APP: variants seen among roughly 807,000 people sequenced by gnomAD.
The protein encoded by APP is amyloid-beta precursor protein.
Under a neutral mutation model 101.4 loss-of-function variants are expected in APP, and 31 were observed. The ratio of observed to expected loss-of-function variants is 0.31; its 90% confidence interval spans 0.23 to 0.41. The LOEUF (loss-of-function observed/expected upper bound fraction) is 0.41, where lower values mean the gene tolerates loss of function less well. APP is among the 10% of genes least tolerant of loss of function. The pLI is 1.00. For missense variants in APP, 839 were observed against 1,003.7 expected (o/e 0.84, Z 2.22); for synonymous variants, 366 against 364.4 (o/e 1.00, Z -0.05).
At chr21:25,926,772 C>T (rs903109070) in intron 13 of APP, among the ~76,000 whole-genome samples, 3 of 151,974 alleles carry the variant, frequency 2.0e-5, no homozygotes, top group African/African-American at 4.8e-5. Flanking sequence ...GTAATCCCAG[C>T]ACTTTGGAAT....
At chr21:25,925,093 C>G (rs1341480595) in intron 13 of APP, among the ~76,000 whole-genome samples, 1 of 152,206 alleles carries the variant, frequency 6.6e-6, no homozygotes, top group Non-Finnish European at 1.5e-5. Context: ...TCTTCTCTCT[C>G]CCCTGACACA....
intron 17 of APP, among the ~76,000 whole-genome samples, chr21:25,883,098 C>G (rs1301747841): frequency 6.6e-6 from 1 of 152,132 alleles, no homozygotes; most frequent in African/African-American, 2.4e-5. Flanking sequence ...GATAACAATT[C>G]AGACTAAAAG....
At chr21:25,907,839 ATATT>A (rs1215184016) in intron 14 of APP, among the ~76,000 whole-genome samples, 2 of 152,360 alleles carry the variant, frequency 1.3e-5, no homozygotes, top group South Asian at 2.1e-4. Flanking sequence ...GTTTAATGAA[ATATT>A]TATTTAATCT....
At chr21:25,901,240 G>T (rs151247744) in intron 15 of APP, among the ~76,000 whole-genome samples, 2,457 of 145,926 alleles carry the variant, frequency 0.017, 78 homozygotes, top group African/African-American at 0.059. Context: ...GGGGGTTGCA[G>T]TGAGCTGGTA....
intron 13 of APP, chr21:25,935,144 C>A (rs564552005): frequency 6.6e-6 from 1 of 152,300 alleles, no homozygotes; most frequent in South Asian, 2.1e-4. Flanking sequence ...TTTACTAACT[C>A]CAGAGTGACG....
At chr21:26,111,867 C>T in intron 2 of APP, 112 bp downstream of exon 2, 2 of 1,148,286 alleles carry the variant, frequency 1.7e-6, no homozygotes, top group East Asian at 4.7e-5. Flanking sequence ...CATTAGGAAC[C>T]AAGATTTTTA....
intron 1 of APP, among the ~76,000 whole-genome samples, chr21:26,136,130 C>CAA (rs566248174): frequency 1.1e-3 from 57 of 50,352 alleles, no homozygotes; most frequent in African/African-American, 8.4e-3. Context: ...GACTCTGTCT[C>CAA]AAAAAAGAAA....
chr21:25,976,995 C>T (rs762327326), intron 9 of APP, among the ~76,000 whole-genome samples: 6 of 152,192 alleles, frequency 3.9e-5, no homozygotes, highest in Non-Finnish European at 7.4e-5. Context: ...TGTTCTTGGA[C>T]TTCCCCACCT....
intron 5 of APP, among the ~76,000 whole-genome samples, chr21:26,022,367 A>T (rs950190956): frequency 6.6e-6 from 1 of 152,192 alleles, no homozygotes; most frequent in Non-Finnish European, 1.5e-5. Context: ...GAATAGGTGG[A>T]GTAGAGAGGA....
intron 13 of APP, among the ~76,000 whole-genome samples, chr21:25,917,300 G>A (rs1389787592): frequency 6.7e-6 from 1 of 149,544 alleles, no homozygotes; most frequent in Non-Finnish European, 1.5e-5. Flanking sequence ...GGATGTATAC[G>A]AGGCATACTT....
At chr21:25,903,926 A>G (rs1422137926) in intron 15 of APP, among the ~76,000 whole-genome samples, 1 of 152,198 alleles carries the variant, frequency 6.6e-6, no homozygotes, top group African/African-American at 2.4e-5. Context: ...CTCAGTCTTC[A>G]TCAGTGACCG....
At chr21:26,104,121 G>C (rs2062125720) in intron 2 of APP, among the ~76,000 whole-genome samples, 1 of 152,038 alleles carries the variant, frequency 6.6e-6, no homozygotes, top group African/African-American at 2.4e-5. Flanking sequence ...AAGCTCTTTG[G>C]TATCTTTTCT....
chr21:26,022,301 G>A (rs1305935988), intron 5 of APP, among the ~76,000 whole-genome samples: 2 of 152,084 alleles, frequency 1.3e-5, no homozygotes, highest in East Asian at 1.9e-4. Context: ...GGAAAATTAC[G>A]GAGACAATAA....
At chr21:26,109,460 C>T (rs2062262487) in intron 2 of APP, among the ~76,000 whole-genome samples, 1 of 152,200 alleles carries the variant, frequency 6.6e-6, no homozygotes. Context: ...GTGTCTTCTT[C>T]CCCTTCACCT....
intron 11 of APP, among the ~76,000 whole-genome samples, chr21:25,957,603 G>A (rs1480135834): frequency 6.6e-6 from 1 of 151,910 alleles, no homozygotes; most frequent in African/African-American, 2.4e-5. Context: ...TGGCCTTCAT[G>A]GATGCTTTCT....
chr21:25,969,833 T>TGAAAA (rs200205249), intron 11 of APP, among the ~76,000 whole-genome samples: 37,038 of 117,102 alleles, frequency 0.32, 6,107 homozygotes, highest in African/African-American at 0.46. Context: ...AGCAAGACCC[T>TGAAAA]GAAAAGAAAA....
At chr21:26,061,603 G>A (rs2046267058) in intron 3 of APP, among the ~76,000 whole-genome samples, 1 of 152,194 alleles carries the variant, frequency 6.6e-6, no homozygotes, top group Non-Finnish European at 1.5e-5. Flanking sequence ...TATGGTTTTA[G>A]CTTCAGAGTG....
At chr21:26,006,450 A>G (rs2043534607) in intron 6 of APP, among the ~76,000 whole-genome samples, 1 of 152,196 alleles carries the variant, frequency 6.6e-6, no homozygotes, top group Non-Finnish European at 1.5e-5. Flanking sequence ...AACTCCACGC[A>G]TTTTATCTTT....
chr21:25,970,329 A>G (rs1304441965), intron 11 of APP, among the ~76,000 whole-genome samples: 1 of 152,178 alleles, frequency 6.6e-6, no homozygotes, highest in Non-Finnish European at 1.5e-5. Context: ...TACATTTGTT[A>G]AAGCCTCCAT....
Sources: gnomAD v4.1 joint callset for allele counts (sites outside exome capture counted in the v4.1 genomes callset) on GRCh38, gnomAD v4.1.1 for gene constraint, MANE v1.5 for transcripts, NCBI Gene and HGNC (gene_info 2026-07-23, HGNC 2026-07-21) for gene names.